Variants in CPVL observed in about 807,000 individuals in gnomAD.
The protein encoded by CPVL is carboxypeptidase vitellogenic like, also known as probable serine carboxypeptidase CPVL.
Under a neutral mutation model 63.7 loss-of-function variants are expected in CPVL, and 51 were observed. That is an observed-to-expected ratio of 0.80 (90% CI 0.64 to 1.01). CPVL has a LOEUF of 1.01. Among genes scored for constraint, CPVL ranks in the 50% least tolerant of loss-of-function variants. The pLI is 0.00. For synonymous variants in CPVL, 195 were observed against 206.0 expected (o/e 0.95, Z 0.46); for missense variants, 530 against 573.1 (o/e 0.92, Z 0.77).
At chr7:29,099,359 CT>C (rs1786822317) in intron 3 of CPVL, among the ~76,000 whole-genome samples, 1 of 152,186 alleles carries the variant, frequency 6.6e-6, no homozygotes, top group Admixed American at 6.5e-5. Context: ...GTTATTCCCC[CT>C]GCCTCAAGTG....
intron 11 of CPVL, among the ~76,000 whole-genome samples, chr7:29,034,086 C>A (rs1346461338): frequency 6.6e-6 from 1 of 152,012 alleles, no homozygotes; most frequent in Non-Finnish European, 1.5e-5. Context: ...TTGTTTTTGG[C>A]AAATGTGGTT....
intron 12 of CPVL, among the ~76,000 whole-genome samples, chr7:29,028,691 G>A (rs317746): frequency 0.15 from 23,058 of 152,026 alleles, 1,836 homozygotes; most frequent in Middle Eastern, 0.22. Context: ...AGGGCCAGGC[G>A]TGGTGGCTCA....
chr7:29,055,472 A>T (rs1330305175), intron 11 of CPVL, among the ~76,000 whole-genome samples: 1 of 152,134 alleles, frequency 6.6e-6, no homozygotes, highest in Non-Finnish European at 1.5e-5. Context: ...GCTGGTCTTG[A>T]ACTCCTGACC....
chr7:29,035,988 G>C (rs544094427), intron 11 of CPVL, among the ~76,000 whole-genome samples: 5 of 152,252 alleles, frequency 3.3e-5, no homozygotes, highest in Admixed American at 1.3e-4. Context: ...CATTAGTTTT[G>C]CTTCCTAGAT....
intron 5 of CPVL, among the ~76,000 whole-genome samples, chr7:29,160,960 G>A (rs192610742): frequency 6.6e-6 from 1 of 152,224 alleles, no homozygotes; most frequent in African/African-American, 2.4e-5. Context: ...AAGAACAAGT[G>A]TCATTTTCTT....
At chr7:29,175,957 C>T (rs1283605631) in intron 5 of CPVL, among the ~76,000 whole-genome samples, 6 of 151,962 alleles carry the variant, frequency 3.9e-5, no homozygotes, top group Admixed American at 6.6e-5. Flanking sequence ...GAGGCCGAGG[C>T]GGGAAGATCA....
intron 11 of CPVL, among the ~76,000 whole-genome samples, chr7:29,057,998 G>C (rs947610625): frequency 2.0e-5 from 3 of 152,018 alleles, no homozygotes; most frequent in Admixed American, 6.6e-5. Flanking sequence ...TGTTGTGTTG[G>C]TTATTCTGTG....
rs753698434 is a variant in CPVL at position 29,120,972 on chromosome 7, A to G, written c.90T>C (p.Ser30=). The G allele has an allele frequency of 2.5e-6, 4 of 1,614,008 alleles. No homozygotes were observed. Among genetic ancestry groups the G allele is most frequent in the Non-Finnish European group, 3.4e-6 (4 of 1,179,964 alleles). The change falls in exon 2 of 13, where the codon AGT becomes AGC. Residue 30 remains serine (S), a synonymous_variant. Coordinates refer to ENST00000265394, the MANE Select transcript of CPVL (RefSeq NM_031311.5). ...AGTCTCCCTTAGGTGGCATGGAAACACTTCTGTATAGGGAGCGAAACAGCC... is the reference window on the plus strand; with the variant it reads ...AGTCTCCCTTAGGTGGCATGGAAACGCTTCTGTATAGGGAGCGAAACAGCC... ...CDGLFRSLYR[S]VSMPPKGDSG... is the part of the protein sequence containing the mutation.
chr7:29,156,157 G>C (rs1028486355), intron 5 of CPVL, among the ~76,000 whole-genome samples: 1 of 152,158 alleles, frequency 6.6e-6, no homozygotes, highest in Non-Finnish European at 1.5e-5. Context: ...TGAGTTTTTT[G>C]ACATTCAGGT....
intron 5 of CPVL, among the ~76,000 whole-genome samples, chr7:29,170,783 G>C (rs1012301904): frequency 2.6e-5 from 4 of 151,642 alleles, no homozygotes; most frequent in Admixed American, 1.3e-4. Flanking sequence ...TATGGCTGGT[G>C]GGGGGGCCTC....
chr7:29,099,445 C>T (rs111640774), intron 3 of CPVL, among the ~76,000 whole-genome samples: 3,722 of 152,236 alleles, frequency 0.024, 73 homozygotes, highest in Non-Finnish European at 0.042. Flanking sequence ...GGTATGGTGG[C>T]GCATGCCTAT....
At chr7:29,020,815 C>T (rs1232296397) in intron 12 of CPVL, among the ~76,000 whole-genome samples, 1 of 152,024 alleles carries the variant, frequency 6.6e-6, no homozygotes, top group Non-Finnish European at 1.5e-5. Context: ...AATTGTTAAA[C>T]CTCAGGCAAG....
At chr7:29,170,788 G>T (rs186887974) in intron 5 of CPVL, among the ~76,000 whole-genome samples, 2 of 152,114 alleles carry the variant, frequency 1.3e-5, no homozygotes, top group Admixed American at 6.6e-5. Flanking sequence ...CTGGTGGGGG[G>T]GCCTCACAAT....
At chr7:29,114,798 G>A (rs916181594) in intron 2 of CPVL, among the ~76,000 whole-genome samples, 1 of 152,142 alleles carries the variant, frequency 6.6e-6, no homozygotes, top group Non-Finnish European at 1.5e-5. Context: ...TGTACTGCCT[G>A]TGGGCCACCT....
intron 7 of CPVL, among the ~76,000 whole-genome samples, chr7:29,085,218 G>C (rs1283765239): frequency 6.6e-6 from 1 of 152,192 alleles, no homozygotes; most frequent in African/African-American, 2.4e-5. Flanking sequence ...GGCTAGGGCA[G>C]GGAAAGTACA....
chr7:29,094,825 G>A (rs970217188), intron 5 of CPVL, among the ~76,000 whole-genome samples: 12 of 151,650 alleles, frequency 7.9e-5, no homozygotes, highest in South Asian at 4.2e-4. Flanking sequence ...CAGCCTGGGC[G>A]ACAGAGCGAG....
chr7:29,092,535 T>C (rs1234928032), intron 6 of CPVL, 88 bp downstream of exon 6: 3 of 892,616 alleles, frequency 3.4e-6, no homozygotes, highest in Non-Finnish European at 3.6e-6. Flanking sequence ...GCTCAGTCAA[T>C]AAAAATTCCA....
At chr7:28,997,622 C>T (rs1487118223) in intron 12 of CPVL, among the ~76,000 whole-genome samples, 1 of 152,142 alleles carries the variant, frequency 6.6e-6, no homozygotes, top group Non-Finnish European at 1.5e-5. Context: ...AGTGGCTTGT[C>T]CAAGTCACAC....
rs1787687263 is a variant in CPVL at position 29,106,063 on chromosome 7, A to G, written c.288+6641T>C. Reference sequence around the variant, plus strand: ...ATGGTTGCAGCCTTCTGAGTAGCTGAGAAGTTCACTGAGTACCCTGGTCCA... The same window carrying G: ...ATGGTTGCAGCCTTCTGAGTAGCTGGGAAGTTCACTGAGTACCCTGGTCCA... On this transcript the variant is annotated intron_variant, in intron 3 of 12. Transcript: ENST00000265394. Among the ~76,000 whole-genome samples the G allele has an allele frequency of 2.0e-5, 3 of 152,290 alleles. No homozygotes were observed. The South Asian group carries it at 6.2e-4, about 32-fold the overall frequency.
Sources: gnomAD v4.1 joint callset for allele counts (sites outside exome capture counted in the v4.1 genomes callset) on GRCh38, gnomAD v4.1.1 for gene constraint, MANE v1.5 for transcripts, NCBI Gene and HGNC (gene_info 2026-07-23, HGNC 2026-07-21) for gene names.